Variants in CNTN4 observed in about 807,000 individuals in gnomAD.
CNTN4 encodes the protein contactin-4.
CNTN4 carries 77 observed loss-of-function variants against 122.5 expected under a neutral mutation model. The ratio of observed to expected loss-of-function variants is 0.63; its 90% confidence interval spans 0.52 to 0.76. The LOEUF (loss-of-function observed/expected upper bound fraction) is 0.76. Among genes scored for constraint, CNTN4 ranks in the 30% least tolerant of loss-of-function variants. The pLI is 0.00. For synonymous variants in CNTN4, 512 were observed against 447.0 expected (o/e 1.15, Z -1.83); for missense variants, 1,256 against 1,259.1 (o/e 1.00, Z 0.04).
At chr3:2,472,224 T>A (rs1190434964) in intron 3 of CNTN4, among the ~76,000 whole-genome samples, 1 of 151,654 alleles carries the variant, frequency 6.6e-6, no homozygotes, top group Non-Finnish European at 1.5e-5. Flanking sequence ...TTTCTTTTGT[T>A]GTTGTTGTTG....
chr3:2,889,563 T>TC (rs1358006818), intron 10 of CNTN4, among the ~76,000 whole-genome samples: 2 of 151,958 alleles, frequency 1.3e-5, no homozygotes, highest in East Asian at 3.9e-4. Flanking sequence ...GGCTCGTTTT[T>TC]CTCACCAATG....
chr3:2,243,689 C>A (rs1252925871), intron 2 of CNTN4, among the ~76,000 whole-genome samples: 1 of 151,936 alleles, frequency 6.6e-6, no homozygotes, highest in African/African-American at 2.4e-5. Context: ...TCACTATGGA[C>A]AAGTTAAATA....
intron 4 of CNTN4, among the ~76,000 whole-genome samples, chr3:2,579,299 A>G (rs1481104255): frequency 6.6e-6 from 1 of 152,216 alleles, no homozygotes; most frequent in Admixed American, 6.5e-5. Flanking sequence ...AATTATGTGT[A>G]CCTAACGTCA....
chr3:2,669,957 A>G (rs2084404800), intron 4 of CNTN4, among the ~76,000 whole-genome samples: 1 of 152,206 alleles, frequency 6.6e-6, no homozygotes, highest in African/African-American at 2.4e-5. Context: ...GGTCTGACAG[A>G]CAATTTGTTA....
chr3:3,019,688 A>ATGTG (rs1299874585), intron 14 of CNTN4, among the ~76,000 whole-genome samples: 1 of 150,850 alleles, frequency 6.6e-6, no homozygotes, highest in East Asian at 1.9e-4. Flanking sequence ...ATATATGTAT[A>ATGTG]TGTGTGTGTC....
chr3:2,882,824 T>G, intron 8 of CNTN4: 1 of 290,306 alleles, frequency 3.4e-6, no homozygotes, highest in Non-Finnish European at 6.7e-6. Flanking sequence ...AATTTAATTT[T>G]CCTGATGACT....
intron 13 of CNTN4, among the ~76,000 whole-genome samples, chr3:2,980,088 G>A (rs776051738): frequency 2.6e-5 from 4 of 152,152 alleles, no homozygotes; most frequent in Admixed American, 6.5e-5. Flanking sequence ...CTTTTCAATG[G>A]CTGCAACTCA....
At chr3:2,351,612 C>T (rs1489793559) in intron 3 of CNTN4, among the ~76,000 whole-genome samples, 1 of 152,130 alleles carries the variant, frequency 6.6e-6, no homozygotes, top group Admixed American at 6.6e-5. Context: ...AGCGTGATTT[C>T]TTCACGCTAC....
intron 2 of CNTN4, among the ~76,000 whole-genome samples, chr3:2,176,352 A>G (rs2036748143): frequency 6.6e-6 from 1 of 152,172 alleles, no homozygotes; most frequent in African/African-American, 2.4e-5. Context: ...GAATATATAT[A>G]CCACTTAGTG....
intron 3 of CNTN4, among the ~76,000 whole-genome samples, chr3:2,479,692 A>T (rs2151568814): frequency 6.6e-6 from 1 of 152,262 alleles, no homozygotes; most frequent in East Asian, 1.9e-4. Flanking sequence ...CAGACACCAG[A>T]TCTTGCAATA....
At chr3:2,445,059 C>T (rs1361915962) in intron 3 of CNTN4, among the ~76,000 whole-genome samples, 2 of 151,530 alleles carry the variant, frequency 1.3e-5, no homozygotes, top group Non-Finnish European at 2.9e-5. Flanking sequence ...GGCTCGACAG[C>T]TTGAACGTGA....
chr3:2,429,530 G>C (rs2047978344), intron 3 of CNTN4, among the ~76,000 whole-genome samples: 1 of 152,236 alleles, frequency 6.6e-6, no homozygotes, highest in Non-Finnish European at 1.5e-5. Flanking sequence ...TTGGAGGTCA[G>C]GGACCCACTT....
chr3:2,612,213 A>G (rs867258097), intron 4 of CNTN4, among the ~76,000 whole-genome samples: 1 of 152,116 alleles, frequency 6.6e-6, no homozygotes, highest in African/African-American at 2.4e-5. Flanking sequence ...AAAATATAGT[A>G]AGTCAAAAAT....
chr3:2,735,004 AG>A (rs1188038592), intron 4 of CNTN4, among the ~76,000 whole-genome samples: 9 of 152,350 alleles, frequency 5.9e-5, no homozygotes, highest in African/African-American at 2.2e-4. Context: ...TTCAAAGTAA[AG>A]CAGATTCTTA....
At chr3:2,401,857 C>T (rs1276894638) in intron 3 of CNTN4, among the ~76,000 whole-genome samples, 1 of 152,132 alleles carries the variant, frequency 6.6e-6, no homozygotes, top group African/African-American at 2.4e-5. Context: ...ACCGAAAGCT[C>T]AAGAGATTTG....
chr3:2,413,254 A>G lies in CNTN4; in HGVS notation c.-89+74021A>G, dbSNP rs560374085. On this transcript the variant is annotated intron_variant, in intron 3 of 24. Coordinates refer to ENST00000418658, the MANE Select transcript of CNTN4 (RefSeq NM_175607.3). Reference sequence around the variant, plus strand: ...AGAGAGAGATTGCTTCTTGACTACAAATAATGAGATACTCCAGTTTAAATT... The same window carrying G: ...AGAGAGAGATTGCTTCTTGACTACAGATAATGAGATACTCCAGTTTAAATT... Among the ~76,000 whole-genome samples, 12 of 152,346 alleles carry G rather than the reference A, an allele frequency of 7.9e-5. No homozygotes were observed. The East Asian group carries it at 2.3e-3, about 29-fold the overall frequency.
chr3:3,007,095 G>A (rs1475258092), intron 14 of CNTN4, among the ~76,000 whole-genome samples: 2 of 152,026 alleles, frequency 1.3e-5, no homozygotes, highest in Non-Finnish European at 2.9e-5. Context: ...TCTCCTCCTA[G>A]AAAAAGTAAA....
At chr3:2,372,277 C>A (rs541800208) in intron 3 of CNTN4, among the ~76,000 whole-genome samples, 1 of 152,156 alleles carries the variant, frequency 6.6e-6, no homozygotes, top group Non-Finnish European at 1.5e-5. Context: ...ATAAAGGAGA[C>A]ATAAATGGCT....
chr3:3,052,168 T>A (rs1301584698), intron 23 of CNTN4, among the ~76,000 whole-genome samples: 13 of 152,214 alleles, frequency 8.5e-5, no homozygotes, highest in Non-Finnish European at 1.5e-5. Flanking sequence ...AACTACAGCA[T>A]GGATCCCACC....
Sources: allele counts gnomAD v4.1 joint callset (sites outside exome capture counted in the v4.1 genomes callset), GRCh38; gene constraint gnomAD v4.1.1; transcripts MANE v1.5; gene names NCBI Gene and HGNC (gene_info 2026-07-23, HGNC 2026-07-21).